The following PTP4A2 variants were observed in gnomAD, a reference collection of about 807,000 sequenced individuals.
PTP4A2 encodes protein tyrosine phosphatase 4A2, also known as protein tyrosine phosphatase type IVA 2.
PTP4A2 carries 2 observed loss-of-function variants against 22.9 expected under a neutral mutation model. The ratio of observed to expected loss-of-function variants is 0.09; its 90% CI spans 0.04 to 0.27. The LOEUF (loss-of-function observed/expected upper bound fraction) is 0.27, where lower values mean the gene tolerates loss of function less well. Among genes scored for constraint, PTP4A2 ranks in the 10% least tolerant of loss-of-function variants. The pLI is 1.00. For missense variants in PTP4A2, 103 were observed against 205.1 expected, an observed-to-expected ratio of 0.50 and a Z score of 3.04; for synonymous variants, 68 against 69.1, an observed-to-expected ratio of 0.98 and a Z score of 0.08.
chr1:31,914,720 TAC>T (rs950226287), intron 3 of PTP4A2, among the ~76,000 whole-genome samples: 6 of 152,210 alleles, frequency 3.9e-5, no homozygotes, highest in African/African-American at 1.2e-4. Flanking sequence ...AAGCTGCTCC[TAC>T]AACTTAGACA....
chr1:31,934,812 G>A (rs1200087258), intron 1 of PTP4A2, among the ~76,000 whole-genome samples: 2 of 152,202 alleles, frequency 1.3e-5, no homozygotes, highest in South Asian at 4.1e-4. Flanking sequence ...GTTGTAAATG[G>A]TTTCTGCCTA....
intron 1 of PTP4A2, among the ~76,000 whole-genome samples, chr1:31,926,636 T>C (rs1305504000): frequency 6.6e-6 from 1 of 152,202 alleles, no homozygotes; most frequent in Admixed American, 6.5e-5. Flanking sequence ...GGCATTTTCC[T>C]CAAATTCTTT....
chr1:31,925,713 T>A (rs1280488761), intron 1 of PTP4A2, among the ~76,000 whole-genome samples: 1 of 149,992 alleles, frequency 6.7e-6, no homozygotes, highest in African/African-American at 2.5e-5. Context: ...TGACCCAAGA[T>A]CGCACCACTG....
intron 4 of PTP4A2, chr1:31,911,382 T>C: frequency 5.1e-6 from 1 of 196,036 alleles, no homozygotes; most frequent in Non-Finnish European, 1.0e-5. Context: ...ATTAACCATG[T>C]ATAGATTCAT....
In PTP4A2 at chr1:31,915,535, ATTT is replaced by A. The variant is rs33976935; in HGVS notation, c.189+357_189+359del. On this transcript the variant is annotated intron_variant, in intron 3 of 5. Transcript: ENST00000647444. ...GTGCCCACCTAATACCAAGTTTTTA[ATTT>A]TTTTTTTTTTTTTTTTTTTGAGACG... 76 of 107,024 alleles carry A rather than the reference ATTT, an allele frequency of 7.1e-4. 1 individual carries two copies. The highest frequency in any genetic ancestry group is 1.8e-3 in the African/African-American group (47 of 26,748). 6.6% of individuals were successfully genotyped at this position (107,024 alleles called of 1,614,324 possible).
intron 1 of PTP4A2, among the ~76,000 whole-genome samples, chr1:31,925,340 C>T (rs1652397810): frequency 6.6e-6 from 1 of 152,138 alleles, no homozygotes; most frequent in Non-Finnish European, 1.5e-5. Context: ...GAGGGCTAGT[C>T]CTCTGTCCCA....
At chr1:31,929,922 T>C (rs1254970094) in intron 1 of PTP4A2, among the ~76,000 whole-genome samples, 3 of 152,238 alleles carry the variant, frequency 2.0e-5, no homozygotes, top group Non-Finnish European at 4.4e-5. Flanking sequence ...CAGCTGCAAG[T>C]TCCCTGAGGT....
intron 1 of PTP4A2, among the ~76,000 whole-genome samples, chr1:31,930,070 G>A (rs906735144): frequency 5.3e-5 from 8 of 152,202 alleles, no homozygotes; most frequent in Non-Finnish European, 1.2e-4. Flanking sequence ...CGGGCGTGGT[G>A]GCTCACGCCT....
rs646689 is a variant in PTP4A2 at position 31,906,425 on chromosome 1, G to A, written c.*2427C>T. 17,473 of 152,054 alleles carry A rather than the reference G, an allele frequency of 0.11. 1,363 individuals carry two copies. The highest frequency in any genetic ancestry group is 0.37 in the East Asian group (1,923 of 5,158). The allele number at this position is 152,054 out of a possible 1,614,324, so 9.4% of individuals were successfully genotyped here. A position where few individuals can be genotyped will look rare whatever the true frequency, so the allele number is the denominator to read the frequency against. On this transcript the variant is annotated 3_prime_UTR_variant, in exon 6 of 6. Coordinates refer to ENST00000647444, the MANE Select transcript of PTP4A2 (RefSeq NM_080391.4). ...TGGAGGAAAAAAATGCACAAAGAGC[G>A]TGTAAAATATGTTTTATTGTTCTTT...
intron 3 of PTP4A2, among the ~76,000 whole-genome samples, chr1:31,914,787 A>G (rs1478946272): frequency 6.6e-6 from 1 of 152,360 alleles, no homozygotes; most frequent in East Asian, 1.9e-4. Flanking sequence ...CCCATTTGCT[A>G]TAAGGAAACA....
Position 31,908,994 on chromosome 1 carries a change from A to T in PTP4A2, c.396-34T>A, listed in dbSNP as rs373023781. ...ACAAGAATGGCAAACTTTATCATGT[A>T]AAAAAAGAGCTGTCTGATTCACTGA... On this transcript the variant is annotated intron_variant, in intron 5 of 5. Transcript: ENST00000647444. 75 of 1,460,774 alleles carry T rather than the reference A, an allele frequency of 5.1e-5. 1 individual carries two copies. The African/African-American group carries it at 8.8e-4, about 17-fold the overall frequency. 90.5% of individuals were successfully genotyped at this position (1,460,774 alleles called of 1,614,324 possible). A position where few individuals can be genotyped will look rare whatever the true frequency, so the allele number is the denominator to read the frequency against.
At chr1:31,926,149 A>AT (rs1553212253) in intron 1 of PTP4A2, among the ~76,000 whole-genome samples, 5,341 of 131,214 alleles carry the variant, frequency 0.041, 214 homozygotes, top group South Asian at 0.18. Context: ...AAAAAAAAAA[A>AT]ATATATATAT....
chr1:31,936,013 T>C (rs1360509832), intron 1 of PTP4A2, among the ~76,000 whole-genome samples: 1 of 151,074 alleles, frequency 6.6e-6, no homozygotes, highest in African/African-American at 2.4e-5. Context: ...GGTCTCGAAC[T>C]CCTGGGCTCA....
chr1:31,910,181 C>T (rs1651458723), intron 4 of PTP4A2, 69 bp from the exon 5 acceptor site: 1 of 1,180,428 alleles, frequency 8.5e-7, no homozygotes, highest in Non-Finnish European at 1.3e-6. Flanking sequence ...AAACCTGTAA[C>T]TGCATATTAC....
rs758674072 is a variant in PTP4A2 at position 31,919,339 on chromosome 1, TA to T, written c.-275del. 1.4e-4 allele frequency: 31 copies of T among 216,012 alleles called. No individual in the cohort carries two copies. Among genetic ancestry groups the T allele is most frequent in the Non-Finnish European group, 2.3e-4 (25 of 107,300 alleles). The allele number at this position is 216,012 out of a possible 1,614,324, so 13.4% of individuals were successfully genotyped here. A position where few individuals can be genotyped will look rare whatever the true frequency, so the allele number is the denominator to read the frequency against. On this transcript the variant is annotated 5_prime_UTR_variant, in exon 2 of 6. It removes the in-frame stop codon of an upstream open reading frame in the 5' UTR. Transcript: ENST00000647444. ...ACCTTCGGACTCCAAAAAATCCAACTACATACAAAACTTAAGCAGCCTTTAC... is the reference window on the plus strand; with the variant it reads ...ACCTTCGGACTCCAAAAAATCCAACTCATACAAAACTTAAGCAGCCTTTAC...
rs1029065697 is a variant in PTP4A2 at position 31,922,917 on chromosome 1, C to T, written c.-593-3259G>A. On this transcript the variant is annotated intron_variant, in intron 1 of 5. Coordinates refer to ENST00000647444, the MANE Select transcript of PTP4A2 (RefSeq NM_080391.4). Reference sequence around the variant, plus strand: ...GATTACAGGCATGAGTCACCGTGCCCGGCCCAAATACTTTTTATCTTTTTT... The same window carrying T: ...GATTACAGGCATGAGTCACCGTGCCTGGCCCAAATACTTTTTATCTTTTTT... Among the ~76,000 whole-genome samples the T allele has an allele frequency of 5.3e-5, 8 of 151,614 alleles. No homozygotes were observed. In the East Asian group the frequency reaches 7.7e-4, roughly 15 times the overall value.
intron 4 of PTP4A2, chr1:31,911,116 G>C (rs544981962): frequency 6.6e-6 from 1 of 152,346 alleles, no homozygotes; most frequent in South Asian, 2.1e-4. Flanking sequence ...GCAAACAAAA[G>C]GGCAGAGCAG....
chr1:31,911,616 G>A, intron 4 of PTP4A2, 80 bp downstream of exon 4: 1 of 1,324,458 alleles, frequency 7.6e-7, no homozygotes, highest in South Asian at 1.7e-5. Context: ...ATATGCAAAT[G>A]TCTACCAAAG....
rs1651270584 is a variant in PTP4A2, at chr1:31,908,074, A to C, written c.*778T>G. 1 of 128,830 alleles carries C rather than the reference A, an allele frequency of 7.8e-6. No homozygotes were observed. Among genetic ancestry groups the C allele is most frequent in the Admixed American group, 8.3e-5 (1 of 11,998 alleles). 8.0% of individuals were successfully genotyped at this position (128,830 alleles called of 1,614,324 possible). On this transcript the variant is annotated 3_prime_UTR_variant, in exon 6 of 6. Transcript: ENST00000647444. ...ATAGGGTTTTGAAGAAACTAACATG[A>C]ACACCCTTTCATCAGTAAAGACTAA... is the stretch of plus-strand genomic sequence containing the variant.
Sources: allele counts gnomAD v4.1 joint callset (sites outside exome capture counted in the v4.1 genomes callset), GRCh38; gene constraint gnomAD v4.1.1; transcripts MANE v1.5; gene names NCBI Gene and HGNC (gene_info 2026-07-23, HGNC 2026-07-21).